The following CSGALNACT1 variants were observed in gnomAD, a reference collection of about 807,000 sequenced individuals.
The protein encoded by CSGALNACT1 is chondroitin sulfate N-acetylgalactosaminyltransferase 1, also known as beta4GalNAcT-1.
Under a neutral mutation model 51.0 loss-of-function variants are expected in CSGALNACT1, and 52 were observed. The ratio of observed to expected loss-of-function variants is 1.02; its 90% CI spans 0.82 to 1.29. The LOEUF is 1.29. CSGALNACT1 is among the 50% of genes most tolerant of loss of function. The probability of loss-of-function intolerance (pLI) is 0.00; values close to 1 mark genes in which losing one functional copy is unlikely to be tolerated. For missense variants in CSGALNACT1, 935 were observed against 679.2 expected (o/e 1.38, Z -4.19); for synonymous variants, 341 against 254.4 (o/e 1.34, Z -3.24).
intron 6 of CSGALNACT1, among the ~76,000 whole-genome samples, chr8:19,431,695 G>T (rs991471044): frequency 6.6e-6 from 1 of 152,054 alleles, no homozygotes; most frequent in African/African-American, 2.4e-5. Flanking sequence ...GTTGGAAAGT[G>T]TTCTCTCCTC....
At chr8:19,580,502 A>T (rs1460111733) in intron 3 of CSGALNACT1, among the ~76,000 whole-genome samples, 3 of 152,186 alleles carry the variant, frequency 2.0e-5, no homozygotes, top group Admixed American at 2.0e-4. Flanking sequence ...ACTTCACTCC[A>T]ATTATCATAA....
intron 3 of CSGALNACT1, among the ~76,000 whole-genome samples, chr8:19,576,961 C>T (rs570536940): frequency 2.0e-5 from 3 of 152,132 alleles, no homozygotes; most frequent in African/African-American, 7.2e-5. Context: ...CGCTTACCCC[C>T]CTCTTAGACA....
intron 4 of CSGALNACT1, among the ~76,000 whole-genome samples, chr8:19,502,008 T>A (rs923256619): frequency 2.0e-5 from 3 of 152,224 alleles, no homozygotes; most frequent in East Asian, 1.9e-4. Context: ...TTCCTCTGTG[T>A]TTTGAGGATA....
chr8:19,505,685 G>T (rs2077199391), exon 4 of CSGALNACT1: 2 of 1,614,024 alleles, frequency 1.2e-6, no homozygotes, highest in Middle Eastern at 3.3e-4. Context: ...TCCCCGTGGG[G>T]CTGTTGGCCC....
intron 6 of CSGALNACT1, among the ~76,000 whole-genome samples, chr8:19,428,603 C>T (rs1031847179): frequency 3.3e-5 from 5 of 152,114 alleles, no homozygotes; most frequent in African/African-American, 4.8e-5. Context: ...AGACTTTCCT[C>T]AAAAAGCCTG....
rs576305838 is a variant in CSGALNACT1, at chr8:19,439,717, C to T, written c.953+113G>A. Reference sequence around the variant, plus strand: ...AACACAGCCAGCAATCAATCCATCCCAGTTCACCCACAGTGTAAAGGAAAA... The same window carrying T: ...AACACAGCCAGCAATCAATCCATCCTAGTTCACCCACAGTGTAAAGGAAAA... On this transcript the variant is annotated intron_variant, in intron 6 of 9. Coordinates refer to ENST00000454498, the Ensembl canonical transcript of CSGALNACT1. 17 of 817,490 alleles carry T rather than the reference C, an allele frequency of 2.1e-5. No individual in the cohort carries two copies. The South Asian group carries it at 2.5e-4, about 12-fold the overall frequency. The allele number at this position is 817,490 out of a possible 1,614,324, so 50.6% of individuals were successfully genotyped here.
At chr8:19,469,831 T>C (rs2067688690) in intron 4 of CSGALNACT1, among the ~76,000 whole-genome samples, 2 of 152,186 alleles carry the variant, frequency 1.3e-5, no homozygotes, top group African/African-American at 4.8e-5. Context: ...TGCTTATCTA[T>C]GCGTTACTCT....
chr8:19,669,907 C>T (rs1200884414), intron 1 of CSGALNACT1, among the ~76,000 whole-genome samples: 1 of 152,220 alleles, frequency 6.6e-6, no homozygotes, highest in East Asian at 1.9e-4. Flanking sequence ...CTCCCAGCCC[C>T]TCACCTGCAT....
chr8:19,440,012 T>C, intron 5 of CSGALNACT1, 81 bp from the exon 5 acceptor site: 1 of 1,174,260 alleles, frequency 8.5e-7, no homozygotes, highest in Non-Finnish European at 1.3e-6. Flanking sequence ...TTTTGTAAAG[T>C]GCAAAAGGGT....
At chr8:19,410,993 C>T (rs1330993910) in intron 8 of CSGALNACT1, among the ~76,000 whole-genome samples, 1 of 152,190 alleles carries the variant, frequency 6.6e-6, no homozygotes, top group Admixed American at 6.5e-5. Flanking sequence ...CCATGTGAAG[C>T]CCTGCAAGGG....
intron 1 of CSGALNACT1, among the ~76,000 whole-genome samples, chr8:19,640,425 G>A (rs544104508): frequency 3.3e-5 from 5 of 152,132 alleles, no homozygotes; most frequent in African/African-American, 1.2e-4. Context: ...AGCTGCTAGA[G>A]TATTCTTGAC....
At chr8:19,600,261 C>T (rs1227974654) in intron 2 of CSGALNACT1, among the ~76,000 whole-genome samples, 1 of 152,060 alleles carries the variant, frequency 6.6e-6, no homozygotes, top group Non-Finnish European at 1.5e-5. Flanking sequence ...TTTATATTTA[C>T]AGTAGAGATG....
intron 3 of CSGALNACT1, among the ~76,000 whole-genome samples, chr8:19,514,160 C>T (rs940036156): frequency 1.3e-5 from 2 of 152,080 alleles, no homozygotes; most frequent in Non-Finnish European, 2.9e-5. Flanking sequence ...CTAAGAGGTG[C>T]TTGAGCCAAA....
intron 5 of CSGALNACT1, chr8:19,457,504 T>A: frequency 2.4e-6 from 1 of 419,498 alleles, no homozygotes; most frequent in Non-Finnish European, 4.5e-6. Context: ...TCCCAGCTAC[T>A]TGGGAAGCTG....
At chr8:19,622,736 A>T (rs996626991) in intron 1 of CSGALNACT1, among the ~76,000 whole-genome samples, 6 of 152,252 alleles carry the variant, frequency 3.9e-5, no homozygotes, top group South Asian at 2.1e-4. Context: ...ATAATGTGTA[A>T]TTAATAAGCT....
intron 1 of CSGALNACT1, among the ~76,000 whole-genome samples, chr8:19,626,950 TG>T (rs1274753891): frequency 7.9e-5 from 12 of 152,224 alleles, no homozygotes; most frequent in Non-Finnish European, 1.5e-4. Flanking sequence ...CACACATTGC[TG>T]GTGGGAATGT....
exon 7 of CSGALNACT1, chr8:19,420,389 G>A: frequency 6.2e-7 from 1 of 1,614,172 alleles, no homozygotes; most frequent in Non-Finnish European, 8.5e-7. Flanking sequence ...ATGTGAAGTA[G>A]ATGTCCACAT....
chr8:19,655,577 C>CATATATAT (rs746855609), intron 1 of CSGALNACT1, among the ~76,000 whole-genome samples: 3 of 147,538 alleles, frequency 2.0e-5, no homozygotes, highest in African/African-American at 7.5e-5. Context: ...CACACACACA[C>CATATATAT]ACATATATAT....
At chr8:19,687,859 T>G (rs143080680) in intron 1 of CSGALNACT1, among the ~76,000 whole-genome samples, 186 of 152,310 alleles carry the variant, frequency 1.2e-3, no homozygotes, top group African/African-American at 4.3e-3. Flanking sequence ...TAGAAGTCAG[T>G]AAATGGAAAA....
Sources: allele counts gnomAD v4.1 joint callset (sites outside exome capture counted in the v4.1 genomes callset), GRCh38; gene constraint gnomAD v4.1.1; transcripts MANE v1.5; gene names NCBI Gene and HGNC (gene_info 2026-07-23, HGNC 2026-07-21).